Variants in VASP observed in about 807,000 individuals in gnomAD.
VASP encodes vasodilator stimulated phosphoprotein.
A neutral mutation model predicts 54.4 loss-of-function variants in VASP; 27 were observed. That is an observed-to-expected ratio of 0.50 (90% CI 0.37 to 0.68). The LOEUF is 0.68. Among genes scored for constraint, VASP ranks in the 30% least tolerant of loss-of-function variants. VASP has a pLI of 0.00. For missense variants in VASP, 488 were observed against 528.3 expected (o/e 0.92, Z 0.75); for synonymous variants, 233 against 209.8 (o/e 1.11, Z -0.96).
At chr19:45,515,969 A>G (rs1048466016) in intron 1 of VASP, among the ~76,000 whole-genome samples, 1 of 152,148 alleles carries the variant, frequency 6.6e-6, no homozygotes, top group Non-Finnish European at 1.5e-5. Context: ...AGTCACATGA[A>G]GTAGGTGGCT....
intron 11 of VASP, 76 bp downstream of exon 11, chr19:45,524,736 T>A: frequency 7.1e-7 from 1 of 1,407,022 alleles, no homozygotes. Context: ...TGCCGTATGA[T>A]CCTAGATAAC....
At chr19:45,522,052 G>A in intron 4 of VASP, 116 bp from the exon 5 acceptor site, 4 of 1,409,924 alleles carry the variant, frequency 2.8e-6, no homozygotes, top group African/African-American at 1.4e-5. Flanking sequence ...GCTTGGGTGA[G>A]TATTAGGAGC....
intron 1 of VASP, among the ~76,000 whole-genome samples, chr19:45,512,396 C>A (rs1968617202): frequency 6.7e-6 from 1 of 148,736 alleles, no homozygotes; most frequent in Non-Finnish European, 1.5e-5. Context: ...TCAAGCAATT[C>A]TCCTGCCTCA....
chr19:45,521,249 A>T lies in VASP; in HGVS notation c.344-73A>T, dbSNP rs1968825116. On this transcript the variant is annotated intron_variant, in intron 3 of 12. Transcript: ENST00000245932. Reference sequence around the variant, plus strand: ...GGGCAGGATTCCTGGGAGGCCTGGGAGAGCAAGGGAAGCGCCAAGAGCTGA... The same window carrying T: ...GGGCAGGATTCCTGGGAGGCCTGGGTGAGCAAGGGAAGCGCCAAGAGCTGA... 3.5e-6 allele frequency: 5 copies of T among 1,424,702 alleles called. No homozygotes were observed. In the East Asian group the frequency reaches 1.2e-4, roughly 36 times the overall value. The allele number at this position is 1,424,702 out of a possible 1,614,324, so 88.3% of individuals were successfully genotyped here.
At chr19:45,515,140 C>T (rs757414241) in intron 1 of VASP, among the ~76,000 whole-genome samples, 3 of 152,168 alleles carry the variant, frequency 2.0e-5, no homozygotes, top group Non-Finnish European at 4.4e-5. Context: ...GCTGAGTCTG[C>T]CTAGGGACTT....
rs1968971885 is a variant in VASP at position 45,526,435 on chromosome 19, T to A, written c.*258T>A. ...CTGCCATCCCCTTGGGGCCGGTCCC[T>A]CTGCTGGGGATGCACCAATGAACCC... On this transcript the variant is annotated 3_prime_UTR_variant, in exon 13 of 13. Coordinates refer to ENST00000245932, the MANE Select transcript of VASP (RefSeq NM_003370.4). The A allele has an allele frequency of 4.5e-6, 2 of 440,076 alleles. No homozygotes were observed. The highest frequency in any genetic ancestry group is 8.0e-6 in the Non-Finnish European group (2 of 249,154). The allele number at this position is 440,076 out of a possible 1,614,324, so 27.3% of individuals were successfully genotyped here.
chr19:45,516,959 G>A (rs186982512), intron 1 of VASP, among the ~76,000 whole-genome samples: 41 of 92,130 alleles, frequency 4.5e-4, no homozygotes, highest in African/African-American at 1.5e-3. Context: ...AGGACAGCCC[G>A]GGTGACAGAG....
intron 4 of VASP, 95 bp downstream of exon 4, chr19:45,521,501 T>C: frequency 8.5e-7 from 1 of 1,180,682 alleles, no homozygotes; most frequent in Middle Eastern, 2.3e-4. Context: ...CCAGCCAACT[T>C]GCAGTTTTCA....
chr19:45,517,954 G>C lies in VASP; in HGVS notation c.203G>C (p.Arg68Pro). The change falls in exon 3 of 13, where the codon CGG (arginine) becomes CCG (proline). Residue 68 changes from arginine (R) to proline (P), a missense_variant. By Grantham distance (103) the Arg-to-Pro change is moderately radical (BLOSUM62 -2). Transcript: ENST00000245932. ...QQVVINCAIV[R>P]GVKYNQATPN... The stretch of plus-strand genomic sequence containing the variant: ...GTGGTCATCAACTGTGCCATCGTCC[G>C]GGGTGTCAAGTATAACCAGGCCACC... 2.0e-6 allele frequency: 3 copies of C among 1,525,234 alleles called. No individual in the cohort carries two copies. The highest frequency in any genetic ancestry group is 1.8e-5 in the Admixed American group (1 of 56,566). 94.5% of individuals were successfully genotyped at this position (1,525,234 alleles called of 1,614,324 possible).
At position 45,517,967 on chromosome 19, in the gene VASP, T is replaced by C; in HGVS notation, c.216T>C (p.Tyr72=). 1 of 1,613,324 alleles carries C rather than the reference T, an allele frequency of 6.2e-7. No individual in the cohort carries two copies. Among genetic ancestry groups the C allele is most frequent in the African/African-American group, 1.3e-5 (1 of 74,844 alleles). The change falls in exon 3 of 13, where the codon TAT becomes TAC. Residue 72 remains tyrosine, a synonymous_variant. Transcript: ENST00000245932. ...GTGCCATCGTCCGGGGTGTCAAGTA[T>C]AACCAGGCCACCCCCAACTTCCATC... ...INCAIVRGVK[Y]NQATPNFHQW... is the part of the protein sequence containing the mutation.
chr19:45,522,369 C>G lies in VASP; in HGVS notation c.508C>G (p.Pro170Ala). 1 of 1,535,158 alleles carries G rather than the reference C, an allele frequency of 6.5e-7. No homozygotes were observed. The highest frequency in any genetic ancestry group is 8.8e-7 in the Non-Finnish European group (1 of 1,131,454). Residue 170 changes from proline to alanine, a missense_variant, in exon 6 of 13, where the codon CCA (proline) becomes GCA (alanine). Coordinates refer to ENST00000245932, the MANE Select transcript of VASP (RefSeq NM_003370.4). Reference sequence around the variant, plus strand: ...CCCACCTGCTCCCCCCGCTGGGGGTCCACCCCCACCACCAGGACCTCCCCC... The same window carrying G: ...CCCACCTGCTCCCCCCGCTGGGGGTGCACCCCCACCACCAGGACCTCCCCC... ...GGPPAPPAGGPPPPPGPPPPP... is the reference protein window; with the variant it reads ...GGPPAPPAGGAPPPPGPPPPP...
chr19:45,509,741 C>T (rs186152348), intron 1 of VASP, among the ~76,000 whole-genome samples: 92 of 152,382 alleles, frequency 6.0e-4, no homozygotes, highest in African/African-American at 2.1e-3. Context: ...TGTGCCTCTT[C>T]TCCAAGGACA....
chr19:45,517,241 C>T (rs933697438), intron 1 of VASP, among the ~76,000 whole-genome samples: 3 of 151,908 alleles, frequency 2.0e-5, no homozygotes, highest in African/African-American at 7.3e-5. Flanking sequence ...GATCCTCCTG[C>T]CTCAACCTCC....
Position 45,523,890 on chromosome 19 carries a change from C to A in VASP, c.910+13C>A, listed in dbSNP as rs189616511. 4.1e-4 allele frequency: 654 copies of A among 1,613,596 alleles called. 1 individual carries two copies. The African/African-American group carries it at 5.1e-3, about 13-fold the overall frequency. On this transcript the variant is annotated intron_variant, in intron 9 of 12. Coordinates refer to ENST00000245932, the MANE Select transcript of VASP (RefSeq NM_003370.4). Reference sequence around the variant, plus strand: ...CCGGCCCAGAGTGGTGAGTAGAGTGCCCAGTCCAGCCACAGGAACTACAAA... The same window carrying A: ...CCGGCCCAGAGTGGTGAGTAGAGTGACCAGTCCAGCCACAGGAACTACAAA...
rs770719634 is a variant in VASP at position 45,507,812 on chromosome 19, G to A, written c.5+36G>A. The A allele has an allele frequency of 3.3e-4, 368 of 1,127,930 alleles. No homozygotes were observed. The highest frequency in any genetic ancestry group is 3.9e-4 in the Non-Finnish European group (352 of 911,906). The allele number at this position is 1,127,930 out of a possible 1,614,324, so 69.9% of individuals were successfully genotyped here. A position where few individuals can be genotyped will look rare whatever the true frequency, so the allele number is the denominator to read the frequency against. On this transcript the variant is annotated intron_variant, in intron 1 of 12. Transcript: ENST00000245932. The surrounding 1 kb of genome is among the most constrained non-coding windows in gnomAD (Gnocchi z 4.4). ...CCTGCCCCCCGACCCGTCCCCGCCCGGGCGGGCTCCGCGCCCCGCCTTTGT... is the reference window on the plus strand; with the variant it reads ...CCTGCCCCCCGACCCGTCCCCGCCCAGGCGGGCTCCGCGCCCCGCCTTTGT...
intron 10 of VASP, chr19:45,524,344 G>A: frequency 2.9e-6 from 2 of 696,560 alleles, no homozygotes; most frequent in African/African-American, 1.8e-5. Flanking sequence ...TGAGGCCTCA[G>A]CGAGCCATCA....
chr19:45,522,635 G>A (rs910956336), intron 6 of VASP, 54 bp downstream of exon 6: 3 of 1,547,592 alleles, frequency 1.9e-6, no homozygotes, highest in East Asian at 2.3e-5. Flanking sequence ...TGGGGGATGA[G>A]GCCAGGGCTG....
At chr19:45,516,195 C>T (rs867956332) in intron 1 of VASP, among the ~76,000 whole-genome samples, 18 of 152,326 alleles carry the variant, frequency 1.2e-4, no homozygotes, top group African/African-American at 4.3e-4. Context: ...GCTGTGTCTC[C>T]CACACTGGAC....
rs377225337 is a variant in VASP at position 45,524,560 on chromosome 19, A to C, written c.957-10A>C. The C allele has an allele frequency of 1.2e-6, 2 of 1,612,880 alleles. No homozygotes were observed. Among genetic ancestry groups the C allele is most frequent in the Non-Finnish European group, 1.7e-6 (2 of 1,179,616 alleles). The stretch of plus-strand genomic sequence containing the variant: ...CTCATTGCTGTCCCAAACCACACCA[A>C]CTCCCCCAGGATGAAGTCGTCTTCT... On this transcript the variant is annotated splice_polypyrimidine_tract_variant and intron_variant, in intron 10 of 12. Coordinates refer to ENST00000245932, the MANE Select transcript of VASP (RefSeq NM_003370.4).
Sources: allele counts gnomAD v4.1 joint callset (sites outside exome capture counted in the v4.1 genomes callset), GRCh38; gene constraint gnomAD v4.1.1; non-coding constraint Gnocchi (gnomAD v3.1); transcripts MANE v1.5; gene names NCBI Gene and HGNC (gene_info 2026-07-23, HGNC 2026-07-21).